Variants in ROR2 observed in about 807,000 individuals in gnomAD.
The protein encoded by ROR2 is tyrosine-protein kinase transmembrane receptor ROR2.
Under a neutral mutation model 74.9 loss-of-function variants are expected in ROR2, and 33 were observed. The observed-to-expected ratio is 0.44, with a 90% CI of 0.33 to 0.59. The LOEUF (loss-of-function observed/expected upper bound fraction) is 0.59. Ranked by LOEUF, ROR2 falls within the 20% of genes least tolerant of loss-of-function variation. The pLI, the probability that ROR2 is intolerant of heterozygous loss-of-function variation, is 0.02. For synonymous variants in ROR2, 586 were observed against 558.7 expected (o/e 1.05, Z -0.69); for missense variants, 1,216 against 1,313.8 (o/e 0.93, Z 1.15).
At chr9:91,882,812 C>T (rs1042881260) in intron 1 of ROR2, among the ~76,000 whole-genome samples, 6 of 152,112 alleles carry the variant, frequency 3.9e-5, no homozygotes, top group African/African-American at 1.4e-4. Context: ...GGGAGAAAGG[C>T]GCCATCTGCC....
intron 1 of ROR2, among the ~76,000 whole-genome samples, chr9:91,798,202 T>G (rs1324744954): frequency 1.6e-4 from 8 of 51,598 alleles, no homozygotes; most frequent in African/African-American, 6.0e-4. Flanking sequence ...TGGGGTCTGT[T>G]AGTGGGGAAT....
At chr9:91,861,165 T>C (rs757560075) in intron 1 of ROR2, among the ~76,000 whole-genome samples, 1 of 152,322 alleles carries the variant, frequency 6.6e-6, no homozygotes, top group East Asian at 1.9e-4. Context: ...TACTTAATAC[T>C]GTTAAAGATG....
chr9:91,806,739 A>G (rs999376429), intron 1 of ROR2, among the ~76,000 whole-genome samples: 33 of 152,090 alleles, frequency 2.2e-4, no homozygotes, highest in South Asian at 1.9e-3. Context: ...ACAGGCACCC[A>G]CCACCACACC....
At chr9:91,861,547 C>T (rs1437097778) in intron 1 of ROR2, among the ~76,000 whole-genome samples, 2 of 152,166 alleles carry the variant, frequency 1.3e-5, no homozygotes, top group South Asian at 2.1e-4. Flanking sequence ...AATAAATGAA[C>T]ATCTGCACAC....
chr9:91,773,349 C>T (rs1303218798), intron 2 of ROR2, among the ~76,000 whole-genome samples: 1 of 151,970 alleles, frequency 6.6e-6, no homozygotes, highest in Non-Finnish European at 1.5e-5. Flanking sequence ...TGCTTCTCCT[C>T]AAACCGTGCT....
intron 1 of ROR2, among the ~76,000 whole-genome samples, chr9:91,858,871 G>A (rs1829381116): frequency 2.0e-5 from 3 of 152,130 alleles, no homozygotes; most frequent in Admixed American, 6.5e-5. Context: ...TAAGCAGCTC[G>A]CCCAAGATCA....
At chr9:91,790,867 T>A (rs1309539019) in intron 1 of ROR2, among the ~76,000 whole-genome samples, 1 of 152,198 alleles carries the variant, frequency 6.6e-6, no homozygotes, top group African/African-American at 2.4e-5. Flanking sequence ...TTTAAAAAAC[T>A]GAAAATAAGA....
intron 7 of ROR2, among the ~76,000 whole-genome samples, chr9:91,727,731 A>C (rs181075958): frequency 9.9e-4 from 151 of 152,306 alleles, no homozygotes; most frequent in Non-Finnish European, 1.6e-3. Context: ...TCAGACTTAG[A>C]GGGCCCCATG....
chr9:91,792,305 A>ATTTTT (rs1166828840), intron 1 of ROR2, among the ~76,000 whole-genome samples: 1 of 129,812 alleles, frequency 7.7e-6, no homozygotes, highest in East Asian at 2.1e-4. Context: ...AGTTGGTTCT[A>ATTTTT]TTTTTTTTTT....
intron 1 of ROR2, among the ~76,000 whole-genome samples, chr9:91,867,414 A>C (rs2119321212): frequency 6.6e-6 from 1 of 152,280 alleles, no homozygotes; most frequent in Non-Finnish European, 1.5e-5. Context: ...CTGGGGTCTC[A>C]AGAGGTGGTC....
intron 1 of ROR2, among the ~76,000 whole-genome samples, chr9:91,864,564 G>A (rs1770499884): frequency 6.6e-6 from 1 of 152,186 alleles, no homozygotes; most frequent in Non-Finnish European, 1.5e-5. Flanking sequence ...AAAGCATGTG[G>A]AAGGCTTCTG....
In ROR2 at chr9:91,889,786, T is replaced by C. The variant is rs146354043; in HGVS notation, c.97+60081A>G. Among the ~76,000 whole-genome samples, 586 of 152,282 alleles carry C rather than the reference T, an allele frequency of 3.8e-3. 3 individuals are homozygous for C. The highest frequency in any genetic ancestry group is 0.011 in the African/African-American group (475 of 41,542). ...TAGCGCTAAGCTTTATAATCTACAT[T>C]TGTGCACCCCGCCTCCTTGAGGAGC... On this transcript the variant is annotated intron_variant, in intron 1 of 8. Transcript: ENST00000375708.
chr9:91,739,225 G>C (rs185493252), intron 4 of ROR2, among the ~76,000 whole-genome samples: 2 of 152,324 alleles, frequency 1.3e-5, no homozygotes, highest in East Asian at 3.9e-4. Flanking sequence ...TTCAATTTAA[G>C]GCTAGGCACA....
At chr9:91,872,654 C>A (rs1004250759) in intron 1 of ROR2, among the ~76,000 whole-genome samples, 19 of 152,220 alleles carry the variant, frequency 1.2e-4, no homozygotes, top group African/African-American at 4.3e-4. Flanking sequence ...GCACTGTCGA[C>A]TGCTGAAACA....
chr9:91,764,952 CTTAGGCTATTT>C (rs902983785), intron 2 of ROR2, among the ~76,000 whole-genome samples: 4 of 152,184 alleles, frequency 2.6e-5, no homozygotes, highest in African/African-American at 9.7e-5. Flanking sequence ...CTTTCCCCTT[CTTAGGCTATTT>C]TCAATATTTT....
At chr9:91,824,473 A>G (rs1828225052) in intron 1 of ROR2, among the ~76,000 whole-genome samples, 1 of 152,244 alleles carries the variant, frequency 6.6e-6, no homozygotes, top group African/African-American at 2.4e-5. Flanking sequence ...TCCCCTCTGC[A>G]GGACACAGTG....
At chr9:91,942,662 G>A (rs966777877) in intron 1 of ROR2, among the ~76,000 whole-genome samples, 3 of 152,000 alleles carry the variant, frequency 2.0e-5, no homozygotes, top group African/African-American at 7.3e-5. Context: ...AGTCTTTCCA[G>A]TAGTAATAAG....
At chr9:91,799,364 C>T (rs1009879932) in intron 1 of ROR2, among the ~76,000 whole-genome samples, 1 of 152,218 alleles carries the variant, frequency 6.6e-6, no homozygotes, top group African/African-American at 2.4e-5. Context: ...TATGACCGTC[C>T]CAAGTGTGGA....
intron 1 of ROR2, among the ~76,000 whole-genome samples, chr9:91,776,380 T>C (rs537710629): frequency 2.6e-5 from 4 of 152,252 alleles, no homozygotes; most frequent in African/African-American, 9.6e-5. Flanking sequence ...TAGTCCAAAT[T>C]TACCCGTCCC....
Sources: allele counts gnomAD v4.1 joint callset (sites outside exome capture counted in the v4.1 genomes callset), GRCh38; gene constraint gnomAD v4.1.1; transcripts MANE v1.5; gene names NCBI Gene and HGNC (gene_info 2026-07-23, HGNC 2026-07-21).